BSN: variants seen among roughly 807,000 people sequenced by gnomAD.
BSN encodes the protein protein bassoon.
In BSN, 57 loss-of-function variants were observed where a neutral mutation model predicts 264.8. The ratio of observed to expected loss-of-function variants is 0.22; its 90% CI spans 0.17 to 0.27. The LOEUF (loss-of-function observed/expected upper bound fraction) is 0.27. Ranked by LOEUF, BSN falls within the 10% of genes least tolerant of loss-of-function variation. The pLI is 1.00. For missense variants in BSN, 4,615 were observed against 5,232.5 expected (o/e 0.88, Z 3.64); for synonymous variants, 2,059 against 2,137.3 (o/e 0.96, Z 1.01).
intron 3 of BSN, among the ~76,000 whole-genome samples, chr3:49,647,868 T>C (rs1172690406): frequency 6.6e-6 from 1 of 152,148 alleles, no homozygotes; most frequent in East Asian, 1.9e-4. Context: ...GTACCCTTCT[T>C]CCCCACTCCC....
chr3:49,562,189 T>G (rs1020448480), intron 1 of BSN, among the ~76,000 whole-genome samples: 4 of 152,240 alleles, frequency 2.6e-5, no homozygotes, highest in Non-Finnish European at 5.9e-5. Flanking sequence ...CTGTGTCACC[T>G]ACACTTTTTT....
chr3:49,653,997 T>A lies in BSN; in HGVS notation c.4441T>A (p.Ser1481Thr), dbSNP rs200382462. ...CTTTGCAAGCTCCAGCCCACCTCTCTCCCCGTCTTCCCCCTCAGAGAGTCC... is the reference window on the plus strand; with the variant it reads ...CTTTGCAAGCTCCAGCCCACCTCTCACCCCGTCTTCCCCCTCAGAGAGTCC... ...SYFASSSPPL[S>T]PSSPSESPTF... The change falls in exon 5 of 12, where the codon TCC (serine) becomes ACC (threonine). Residue 1481 changes from serine to threonine, a missense_variant. Ser to Thr is a moderately conservative substitution (Grantham distance 58). Coordinates refer to ENST00000296452, the MANE Select transcript of BSN (RefSeq NM_003458.4). The surrounding 1 kb of genome is among the most constrained non-coding windows in gnomAD (Gnocchi z 6.3). 366 of 1,613,666 alleles carry A rather than the reference T, an allele frequency of 2.3e-4. 2 individuals carry two copies. In the Middle Eastern group the frequency reaches 6.3e-3, roughly 28 times the overall value.
chr3:49,610,392 G>A (rs2052196406), intron 1 of BSN, among the ~76,000 whole-genome samples: 1 of 151,880 alleles, frequency 6.6e-6, no homozygotes. Context: ...AGATCTGCCT[G>A]GCCAACATGG....
At position 49,655,886 on chromosome 3, in the gene BSN, G is replaced by A. The variant is rs1327737259; in HGVS notation, c.6330G>A (p.Gln2110=). The change falls in exon 5 of 12, where the codon CAG becomes CAA. Residue 2110 remains glutamine (Q), a synonymous_variant. Coordinates refer to ENST00000296452, the MANE Select transcript of BSN (RefSeq NM_003458.4). The part of the protein sequence containing the change: ...RMCAALNSMD[Q]YGGRHGSGGG... Reference sequence around the variant, plus strand: ...GCGCTGCCCTCAACTCCATGGACCAGTATGGTGGGCGGCATGGCAGTGGTG... The same window carrying A: ...GCGCTGCCCTCAACTCCATGGACCAATATGGTGGGCGGCATGGCAGTGGTG... 1 of 1,612,730 alleles carries A rather than the reference G, an allele frequency of 6.2e-7. No homozygotes were observed. The highest frequency in any genetic ancestry group is 1.3e-5 in the African/African-American group (1 of 74,944).
chr3:49,595,552 C>T (rs1172096646), intron 1 of BSN, among the ~76,000 whole-genome samples: 1 of 151,808 alleles, frequency 6.6e-6, no homozygotes, highest in African/African-American at 2.4e-5. Flanking sequence ...AGTGCAGTGG[C>T]ATAATCATAG....
chr3:49,657,523 C>T lies in BSN; in HGVS notation c.7967C>T (p.Ala2656Val). Reference protein sequence around the residue: ...DATASSSSAAATVRAMSSVGI... With the variant: ...DATASSSSAAVTVRAMSSVGI... ...ACTGCCTCATCATCCAGTGCTGCTG[C>T]CACTGTGAGGGCCATGAGCAGCGTG... is the stretch of plus-strand genomic sequence containing the variant. Residue 2656 changes from alanine to valine, a missense_variant, in exon 5 of 12, where the codon GCC becomes GTC. By Grantham distance (64) the Ala-to-Val change is moderately conservative. Coordinates refer to ENST00000296452, the MANE Select transcript of BSN (RefSeq NM_003458.4). 1.9e-6 allele frequency: 3 copies of T among 1,613,268 alleles called. No homozygotes were observed. The highest frequency in any genetic ancestry group is 2.5e-6 in the Non-Finnish European group (3 of 1,180,022).
chr3:49,607,407 A>G (rs977642278), intron 1 of BSN, among the ~76,000 whole-genome samples: 1 of 152,194 alleles, frequency 6.6e-6, no homozygotes, highest in Non-Finnish European at 1.5e-5. Context: ...GGGCTGGGCT[A>G]GTCCCTCAGA....
At chr3:49,641,691 A>G (rs1018758043) in intron 2 of BSN, 1 of 152,220 alleles carries the variant, frequency 6.6e-6, no homozygotes, top group African/African-American at 2.4e-5. Context: ...TTCTTCAGCT[A>G]GACTCTAAGC....
At chr3:49,600,210 AGGCCTTGAAGAACCAGGCCTTGAGCCTG>A (rs2052061871) in intron 1 of BSN, among the ~76,000 whole-genome samples, 1 of 152,214 alleles carries the variant, frequency 6.6e-6, no homozygotes, top group African/African-American at 2.4e-5. Context: ...GCCTGAGCCC[AGGCCTTGAAGAACCAGGCCTTGAGCCTG>A]GGCCTGGGGC....
chr3:49,622,324 G>T (rs528704265), intron 1 of BSN, among the ~76,000 whole-genome samples: 1 of 152,088 alleles, frequency 6.6e-6, no homozygotes, highest in Non-Finnish European at 1.5e-5. Flanking sequence ...GACATATATC[G>T]CGATCTCCAG....
intron 1 of BSN, among the ~76,000 whole-genome samples, chr3:49,559,260 A>G (rs947895170): frequency 7.2e-5 from 11 of 152,078 alleles, no homozygotes; most frequent in African/African-American, 2.7e-4. Flanking sequence ...TTTTTTTACT[A>G]TGGAAAATTT....
rs748481668 is a variant in BSN, at chr3:49,658,146, G to A, written c.8590G>A (p.Ala2864Thr). 2 of 1,598,840 alleles carry A rather than the reference G, an allele frequency of 1.3e-6. No individual in the cohort carries two copies. The highest frequency in any genetic ancestry group is 1.1e-5 in the South Asian group (1 of 90,244). ...CCTCAGCCCCACCGCCGAAGAGTCT[G>A]CCAAAGAGAGATTCTCCCTCTACCA... is the stretch of plus-strand genomic sequence containing the variant. Reference protein sequence around the residue: ...KPLSPTAEESAKERFSLYQHQ... With the variant: ...KPLSPTAEESTKERFSLYQHQ... The change falls in exon 5 of 12, where the codon GCC becomes ACC. Residue 2864 changes from alanine to threonine, a missense_variant. Transcript: ENST00000296452.
rs755074504 is a variant in BSN at position 49,650,677 on chromosome 3, G to A, written c.1584G>A (p.Pro528=). The A allele has an allele frequency of 2.0e-5, 32 of 1,609,930 alleles. 2 individuals are homozygous for A. In the East Asian group the frequency reaches 3.8e-4, roughly 19 times the overall value. ...TACTGGAGGGCAGCCTAGGAGAGCC[G>A]ACCCCCCTGCCGCCGCCCACCTCAC... ...KRLLEGSLGE[P]TPLPPPTSQQ... The change falls in exon 4 of 12, where the codon CCG becomes CCA. Residue 528 remains proline, a synonymous_variant. Transcript: ENST00000296452.
chr3:49,662,729 C>A, intron 6 of BSN, 147 bp from the exon 7 acceptor site: 1 of 962,956 alleles, frequency 1.0e-6, no homozygotes, highest in Non-Finnish European at 1.4e-6. Context: ...GTGCCCTGGT[C>A]CGTGGTTGCG....
chr3:49,605,445 T>TAA (rs1467883217), intron 1 of BSN, among the ~76,000 whole-genome samples: 6 of 29,562 alleles, frequency 2.0e-4, no homozygotes, highest in Non-Finnish European at 3.2e-4. Context: ...ATATTATATA[T>TAA]ATTATATAAT....
At chr3:49,636,126 G>A (rs1299298060) in intron 2 of BSN, among the ~76,000 whole-genome samples, 1 of 152,040 alleles carries the variant, frequency 6.6e-6, no homozygotes, top group Non-Finnish European at 1.5e-5. Context: ...TATTCCAGTC[G>A]GTGAGCTTTG....
At chr3:49,604,225 A>G (rs2052093668) in intron 1 of BSN, among the ~76,000 whole-genome samples, 1 of 152,118 alleles carries the variant, frequency 6.6e-6, no homozygotes, top group African/African-American at 2.4e-5. Flanking sequence ...TGCCCAGCTC[A>G]AAATGTGTCA....
chr3:49,664,635 C>G (rs2052697852), intron 9 of BSN, 81 bp downstream of exon 9: 4 of 1,547,100 alleles, frequency 2.6e-6, no homozygotes, highest in Non-Finnish European at 3.5e-6. Context: ...CAGACTCAGT[C>G]ACCCAGGCAG....
At chr3:49,622,340 A>G (rs1312212688) in intron 1 of BSN, among the ~76,000 whole-genome samples, 1 of 152,228 alleles carries the variant, frequency 6.6e-6, no homozygotes, top group Non-Finnish European at 1.5e-5. Context: ...TCCAGGTGTC[A>G]TGATGGCTAC....
Sources: gnomAD v4.1 joint callset for allele counts (sites outside exome capture counted in the v4.1 genomes callset) on GRCh38, gnomAD v4.1.1 for gene constraint, Gnocchi (gnomAD v3.1) non-coding constraint, MANE v1.5 for transcripts, NCBI Gene and HGNC (gene_info 2026-07-23, HGNC 2026-07-21) for gene names.